Variants in TMEM87B observed in about 807,000 individuals in gnomAD.
TMEM87B encodes transmembrane protein 87B.
In TMEM87B, 83 loss-of-function variants were observed where a neutral mutation model predicts 80.3. The ratio of observed to expected loss-of-function variants is 1.03; its 90% confidence interval spans 0.87 to 1.24. TMEM87B has a LOEUF of 1.24. Ranked by LOEUF, TMEM87B falls within the 50% of genes most tolerant of loss-of-function variation. The probability of loss-of-function intolerance (pLI) is 0.00; values close to 1 mark genes in which losing one functional copy is unlikely to be tolerated. For synonymous variants in TMEM87B, 219 were observed against 230.5 expected, an observed-to-expected ratio of 0.95 and a Z score of 0.45; for missense variants, 625 against 674.4, an observed-to-expected ratio of 0.93 and a Z score of 0.81.
intron 4 of TMEM87B, among the ~76,000 whole-genome samples, chr2:112,067,524 G>A (rs368438606): frequency 3.7e-4 from 57 of 152,154 alleles, no homozygotes; most frequent in African/African-American, 8.7e-4. Flanking sequence ...GCTTGAACTC[G>A]TGAGGCAGAG....
Position 112,100,707 on chromosome 2 carries a change from G to C in TMEM87B, c.1450+12G>C. The stretch of plus-strand genomic sequence containing the variant: ...TTCTGAAAATTTAAGTGAGTAATAT[G>C]TTTTCTTTTTAAATGACCATTGTAC... On this transcript the variant is annotated intron_variant, in intron 15 of 18. Transcript: ENST00000283206. The C allele has an allele frequency of 6.4e-7, 1 of 1,551,284 alleles. No individual in the cohort carries two copies.
intron 2 of TMEM87B, among the ~76,000 whole-genome samples, chr2:112,061,269 T>G (rs1678250712): frequency 6.6e-6 from 1 of 152,194 alleles, no homozygotes; most frequent in Non-Finnish European, 1.5e-5. Context: ...GTAACCTAAC[T>G]AGGAAAATTG....
chr2:112,096,946 A>G, intron 11 of TMEM87B, 98 bp from the exon 12 acceptor site: 1 of 788,608 alleles, frequency 1.3e-6, no homozygotes, highest in Admixed American at 2.5e-5. Context: ...TAGGAACTGT[A>G]TTTAGCAGTA....
At chr2:112,099,894 A>G (rs533252719) in intron 14 of TMEM87B, among the ~76,000 whole-genome samples, 21 of 151,492 alleles carry the variant, frequency 1.4e-4, no homozygotes. Context: ...AAAAAAAAAA[A>G]AAAAAACCAC....
chr2:112,068,721 A>C (rs1678519101), intron 4 of TMEM87B, among the ~76,000 whole-genome samples: 1 of 152,036 alleles, frequency 6.6e-6, no homozygotes, highest in Non-Finnish European at 1.5e-5. Context: ...ACAGACAACA[A>C]AACTGAGCAC....
chr2:112,113,711 T>C (rs7575917), intron 18 of TMEM87B, among the ~76,000 whole-genome samples: 1 of 124,534 alleles, frequency 8.0e-6, no homozygotes, highest in Non-Finnish European at 1.7e-5. Flanking sequence ...TACAGAAAGA[T>C]GTAGCATTAC....
intron 11 of TMEM87B, among the ~76,000 whole-genome samples, chr2:112,095,698 TGTACTAAA>T (rs1279467328): frequency 6.6e-6 from 1 of 152,236 alleles, no homozygotes; most frequent in Non-Finnish European, 1.5e-5. Context: ...AAAGCAGTTT[TGTACTAAA>T]GTACTAAAGT....
In TMEM87B at chr2:112,089,707, A is replaced by C; in HGVS notation, c.1021A>C (p.Arg341=). Residue 341 remains arginine (R), a synonymous_variant, in exon 10 of 19, where the codon AGA becomes CGA. Coordinates refer to ENST00000283206, the MANE Select transcript of TMEM87B (RefSeq NM_032824.3). ...LIFAAVEGVM[R]VIGGSNHLAV... ...CTTTGCAGCTGTTGAAGGCGTGATG[A>C]GAGTCATTGGGGTAAAAACTACATT... 1 of 1,614,086 alleles carries C rather than the reference A, an allele frequency of 6.2e-7. No homozygotes were observed. Among genetic ancestry groups the C allele is most frequent in the Non-Finnish European group, 8.5e-7 (1 of 1,179,954 alleles).
chr2:112,056,347 A>G (rs1159212857), intron 1 of TMEM87B, among the ~76,000 whole-genome samples: 1 of 151,882 alleles, frequency 6.6e-6, no homozygotes, highest in South Asian at 2.1e-4. Context: ...GTTCCGGGAG[A>G]GAGAGTGTGT....
chr2:112,091,275 TTAGA>T (rs1424302428), intron 10 of TMEM87B, among the ~76,000 whole-genome samples: 7 of 152,078 alleles, frequency 4.6e-5, no homozygotes, highest in Admixed American at 4.6e-4. Flanking sequence ...AGCCAACATC[TTAGA>T]TAGTGACTTT....
chr2:112,078,506 A>C (rs1678888183), intron 6 of TMEM87B, among the ~76,000 whole-genome samples: 1 of 152,212 alleles, frequency 6.6e-6, no homozygotes, highest in Admixed American at 6.5e-5. Context: ...TAATCTATTC[A>C]TGAGGACAGA....
intron 16 of TMEM87B, among the ~76,000 whole-genome samples, chr2:112,107,302 G>A (rs1057327942): frequency 6.8e-6 from 1 of 146,590 alleles, no homozygotes; most frequent in Non-Finnish European, 1.5e-5. Flanking sequence ...AGGTTGCAGT[G>A]AGCCAAGATC....
Position 112,107,822 on chromosome 2 carries a change from C to T in TMEM87B, c.1559C>T (p.Pro520Leu), listed in dbSNP as rs867923191. 1 of 1,578,668 alleles carries T rather than the reference C, an allele frequency of 6.3e-7. No homozygotes were observed. Among genetic ancestry groups the T allele is most frequent in the Non-Finnish European group, 8.7e-7 (1 of 1,155,778 alleles). The change falls in exon 17 of 19, where the codon CCC becomes CTC. Residue 520 changes from proline to leucine, a missense_variant. Pro to Leu is a moderately conservative substitution (Grantham distance 98, BLOSUM62 -3). Transcript: ENST00000283206. ...EDLKWVEENI[P>L]SSFTDVALPV... The stretch of plus-strand genomic sequence containing the variant: ...TTGAAGTGGGTAGAAGAAAATATTC[C>T]CTCTTCATTCACAGATGTGTAAGTT...
At chr2:112,097,003 T>A in intron 11 of TMEM87B, 41 bp from the exon 12 acceptor site, 1 of 1,293,808 alleles carries the variant, frequency 7.7e-7, no homozygotes, top group Non-Finnish European at 1.1e-6. Flanking sequence ...TTTTTTAACC[T>A]CTTATTATTA....
In TMEM87B at chr2:112,081,514, G is replaced by A. The variant is rs376240885; in HGVS notation, c.834G>A (p.Leu278=). The change falls in exon 8 of 19, where the codon CTG becomes CTA. Residue 278 remains leucine (L), a synonymous_variant. Transcript: ENST00000283206. ...SEYQNISNTG[L]STQGLLIFAE... ...ACCAAAACATCAGCAACACTGGACT[G>A]TCAAGTAAGTTTTGACTGTCTCTGT... The A allele has an allele frequency of 1.2e-5, 19 of 1,603,118 alleles. No homozygotes were observed. The highest frequency in any genetic ancestry group is 1.4e-5 in the Non-Finnish European group (17 of 1,176,686).
chr2:112,097,186 C>T, intron 12 of TMEM87B, 34 bp downstream of exon 12: 2 of 1,597,972 alleles, frequency 1.3e-6, no homozygotes, highest in Non-Finnish European at 1.7e-6. Flanking sequence ...AGTAAATTAT[C>T]TTAGTATTGT....
chr2:112,097,628 G>T (rs1314762178), intron 13 of TMEM87B, among the ~76,000 whole-genome samples: 1 of 150,270 alleles, frequency 6.7e-6, no homozygotes, highest in African/African-American at 2.5e-5. Context: ...CAGGAGACTG[G>T]TGTGAACCCA....
chr2:112,100,911 A>G (rs922559407), intron 15 of TMEM87B, among the ~76,000 whole-genome samples: 4 of 152,182 alleles, frequency 2.6e-5, no homozygotes, highest in African/African-American at 9.6e-5. Context: ...CTCATTTCGT[A>G]AAATGTTGAA....
At chr2:112,059,568 G>T (rs972044125) in intron 1 of TMEM87B, among the ~76,000 whole-genome samples, 10 of 152,188 alleles carry the variant, frequency 6.6e-5, no homozygotes, top group African/African-American at 2.2e-4. Context: ...ATTTCGGTCT[G>T]TTGTAATTGC....
Sources: gnomAD v4.1 joint callset for allele counts (sites outside exome capture counted in the v4.1 genomes callset) on GRCh38, gnomAD v4.1.1 for gene constraint, MANE v1.5 for transcripts, NCBI Gene and HGNC (gene_info 2026-07-23, HGNC 2026-07-21) for gene names.